The following PAPSS1 variants were observed in gnomAD, a reference collection of about 807,000 sequenced individuals.
PAPSS1 encodes 3'-phosphoadenosine 5'-phosphosulfate synthase 1.
PAPSS1 carries 50 observed loss-of-function variants against 72.0 expected under a neutral mutation model. The ratio of observed to expected loss-of-function variants is 0.69; its 90% CI spans 0.55 to 0.88. The LOEUF (loss-of-function observed/expected upper bound fraction) is 0.88. Ranked by LOEUF, PAPSS1 falls within the 40% of genes least tolerant of loss-of-function variation. The probability of loss-of-function intolerance (pLI) is 0.00; values close to 1 mark genes in which losing one functional copy is unlikely to be tolerated. For missense variants in PAPSS1, 657 were observed against 782.2 expected (o/e 0.84, Z 1.91); for synonymous variants, 261 against 263.6 (o/e 0.99, Z 0.09).
intron 5 of PAPSS1, among the ~76,000 whole-genome samples, chr4:107,666,970 A>G (rs1727335559): frequency 6.6e-6 from 1 of 152,088 alleles, no homozygotes; most frequent in African/African-American, 2.4e-5. Context: ...AGTGCTGAGG[A>G]GAGGACTCTT....
intron 4 of PAPSS1, among the ~76,000 whole-genome samples, chr4:107,684,533 A>AT (rs935183214): frequency 1.3e-4 from 20 of 152,174 alleles, no homozygotes; most frequent in African/African-American, 4.3e-4. Context: ...TAAGATCTGA[A>AT]TGGGGACATT....
chr4:107,683,060 G>T (rs940911568), intron 4 of PAPSS1, among the ~76,000 whole-genome samples: 2 of 152,090 alleles, frequency 1.3e-5, no homozygotes, highest in African/African-American at 4.8e-5. Flanking sequence ...TTAAAGATAC[G>T]CTATTCCTAT....
At chr4:107,680,185 A>G (rs1183196449) in intron 5 of PAPSS1, among the ~76,000 whole-genome samples, 1 of 152,126 alleles carries the variant, frequency 6.6e-6, no homozygotes, top group African/African-American at 2.4e-5. Context: ...AACTAATGAA[A>G]AAAATATATA....
chr4:107,686,116 A>C (rs1578421952), intron 4 of PAPSS1, among the ~76,000 whole-genome samples: 2 of 152,344 alleles, frequency 1.3e-5, no homozygotes, highest in Non-Finnish European at 2.9e-5. Context: ...GCCAGAGCAG[A>C]GTTGGGTTCT....
intron 4 of PAPSS1, among the ~76,000 whole-genome samples, chr4:107,683,517 G>C (rs1722687804): frequency 6.6e-6 from 1 of 152,114 alleles, no homozygotes; most frequent in African/African-American, 2.4e-5. Context: ...AGTTCCCAAG[G>C]AAATGCTTAC....
rs10670438 is a variant in PAPSS1, at chr4:107,621,608, C to CTTTTTTTTTTTTTTTTTTTTTTT, written c.1737-7244_1737-7222dup. On this transcript the variant is annotated intron_variant, in intron 11 of 11. Coordinates refer to ENST00000265174, the MANE Select transcript of PAPSS1 (RefSeq NM_005443.5). ...CTTTCTAGGAAGACAGGTTTTTTATCTTTTTTTTTTTTTTTTTTTTTTTTT... is the reference window on the plus strand; with the variant it reads ...CTTTCTAGGAAGACAGGTTTTTTATCTTTTTTTTTTTTTTTTTTTTTTTTTTTTTTTTTTTTTTTTTTTTTTTT... Among the ~76,000 whole-genome samples the CTTTTTTTTTTTTTTTTTTTTTTT allele has an allele frequency of 2.9e-4, 14 of 48,152 alleles. 6 individuals are homozygous for CTTTTTTTTTTTTTTTTTTTTTTT. Among genetic ancestry groups the CTTTTTTTTTTTTTTTTTTTTTTT allele is most frequent in the South Asian group, 1.9e-3 (2 of 1,050 alleles). The allele number at this position is 48,152 out of a possible 152,430, so 31.6% of individuals were successfully genotyped here. A position where few individuals can be genotyped will look rare whatever the true frequency, so the allele number is the denominator to read the frequency against.
chr4:107,615,476 A>G (rs1227081588), intron 11 of PAPSS1, among the ~76,000 whole-genome samples: 1 of 152,196 alleles, frequency 6.6e-6, no homozygotes, highest in African/African-American at 2.4e-5. Flanking sequence ...GAGGTATGCC[A>G]AGTATGTTTT....
At chr4:107,650,037 G>A (rs916571031) in intron 9 of PAPSS1, among the ~76,000 whole-genome samples, 2 of 152,352 alleles carry the variant, frequency 1.3e-5, no homozygotes, top group Admixed American at 6.5e-5. Context: ...CAGCCAAACT[G>A]ATAGTGCTGT....
intron 5 of PAPSS1, among the ~76,000 whole-genome samples, chr4:107,661,238 C>A (rs1023113277): frequency 1.3e-5 from 2 of 152,194 alleles, no homozygotes; most frequent in Admixed American, 6.5e-5. Context: ...TAGGAACCCT[C>A]ATTCATAGCT....
At chr4:107,639,086 A>G (rs1726464875) in intron 10 of PAPSS1, among the ~76,000 whole-genome samples, 1 of 152,210 alleles carries the variant, frequency 6.6e-6, no homozygotes, top group Non-Finnish European at 1.5e-5. Context: ...GAAAAATCAG[A>G]CTAACAGACA....
At chr4:107,616,611 A>T (rs1175127003) in intron 11 of PAPSS1, among the ~76,000 whole-genome samples, 1 of 152,160 alleles carries the variant, frequency 6.6e-6, no homozygotes, top group Non-Finnish European at 1.5e-5. Flanking sequence ...GACCTTAATA[A>T]GTGACTTTAT....
At chr4:107,621,608 C>CTTTTTTTTTTTTTTTCTTTTTTTTT (rs1725956989) in intron 11 of PAPSS1, among the ~76,000 whole-genome samples, 1 of 48,148 alleles carries the variant, frequency 2.1e-5, no homozygotes, top group African/African-American at 7.6e-5. Context: ...GGTTTTTTAT[C>CTTTTTTTTTTTTTTTCTTTTTTTTT]TTTTTTTTTT....
intron 5 of PAPSS1, among the ~76,000 whole-genome samples, chr4:107,676,533 G>C (rs1458933401): frequency 1.3e-5 from 2 of 152,180 alleles, no homozygotes; most frequent in Non-Finnish European, 2.9e-5. Flanking sequence ...TGAAATAAAA[G>C]AGGATACAAA....
intron 1 of PAPSS1, among the ~76,000 whole-genome samples, chr4:107,710,676 C>A (rs765984661): frequency 1.1e-4 from 16 of 152,208 alleles, no homozygotes; most frequent in South Asian, 2.1e-4. Flanking sequence ...TCCAGCAGCT[C>A]CCACACATAG....
intron 1 of PAPSS1, among the ~76,000 whole-genome samples, chr4:107,717,081 T>TAA (rs67961519): frequency 1.4e-5 from 2 of 148,078 alleles, no homozygotes; most frequent in African/African-American, 2.5e-5. Context: ...GTACTAACTG[T>TAA]AAAAAAAAAA....
intron 5 of PAPSS1, among the ~76,000 whole-genome samples, chr4:107,666,529 G>T (rs1042663181): frequency 6.6e-6 from 1 of 152,174 alleles, no homozygotes; most frequent in Non-Finnish European, 1.5e-5. Flanking sequence ...CAGTGAAAGA[G>T]AAGGCAACCC....
chr4:107,674,585 G>A (rs1727584840), intron 5 of PAPSS1, among the ~76,000 whole-genome samples: 1 of 152,138 alleles, frequency 6.6e-6, no homozygotes, highest in Non-Finnish European at 1.5e-5. Flanking sequence ...ATAATAATGG[G>A]AGACTTTAAC....
At chr4:107,666,936 C>T (rs1318365919) in intron 5 of PAPSS1, among the ~76,000 whole-genome samples, 1 of 152,070 alleles carries the variant, frequency 6.6e-6, no homozygotes, top group African/African-American at 2.4e-5. Context: ...CTTGAAATCC[C>T]CTAAGTGATC....
chr4:107,716,101 C>T (rs922918245), intron 1 of PAPSS1, among the ~76,000 whole-genome samples: 2 of 152,166 alleles, frequency 1.3e-5, no homozygotes, highest in Admixed American at 1.3e-4. Context: ...TTGCATCTGC[C>T]CCTTATCCCC....
Sources: gnomAD v4.1 joint callset for allele counts (sites outside exome capture counted in the v4.1 genomes callset) on GRCh38, gnomAD v4.1.1 for gene constraint, MANE v1.5 for transcripts, NCBI Gene and HGNC (gene_info 2026-07-23, HGNC 2026-07-21) for gene names.